Variants in CD2AP observed in about 807,000 individuals in gnomAD.
CD2AP encodes the protein CD2 associated protein, also known as CD2-associated protein.
Under a neutral mutation model 85.1 loss-of-function variants are expected in CD2AP, and 46 were observed. That is an observed-to-expected ratio of 0.54 (90% CI 0.43 to 0.69). The LOEUF is 0.69. CD2AP is among the 30% of genes least tolerant of loss of function. The pLI is 0.00. For synonymous variants in CD2AP, 255 were observed against 252.9 expected (o/e 1.01, Z -0.08); for missense variants, 769 against 729.5 (o/e 1.05, Z -0.62).
chr6:47,599,384 C>A lies in CD2AP; in HGVS notation c.1358C>A (p.Pro453His). 1.2e-6 allele frequency: 2 copies of A among 1,612,068 alleles called. No individual in the cohort carries two copies. The highest frequency in any genetic ancestry group is 2.2e-5 in the South Asian group (2 of 91,016). Residue 453 changes from proline to histidine, a missense_variant, in exon 13 of 18, where the codon CCC (proline) becomes CAC (histidine). Transcript: ENST00000359314. ...SKLKLDSEQL[P>H]LRPKSVDFDS... is the part of the protein sequence containing the mutation. ...CTAAAGCTAGATTCTGAACAGCTGC[C>A]CCTTAGACCAAAATCAGTAGACTTT... is the stretch of plus-strand genomic sequence containing the variant.
At chr6:47,519,341 A>G (rs1766526723) in intron 2 of CD2AP, among the ~76,000 whole-genome samples, 1 of 147,474 alleles carries the variant, frequency 6.8e-6, no homozygotes, top group South Asian at 2.1e-4. Flanking sequence ...GAACCCTGAA[A>G]TTAGACAAAG....
intron 11 of CD2AP, among the ~76,000 whole-genome samples, chr6:47,585,930 A>G (rs1416012048): frequency 6.6e-6 from 1 of 152,226 alleles, no homozygotes; most frequent in East Asian, 1.9e-4. Context: ...TACGGCCAAC[A>G]AATTCCAGAA....
chr6:47,572,317 CTTG>C (rs1252914555), intron 5 of CD2AP, among the ~76,000 whole-genome samples: 1 of 152,178 alleles, frequency 6.6e-6, no homozygotes, highest in Non-Finnish European at 1.5e-5. Flanking sequence ...TGTTCTGTAT[CTTG>C]TTGTATTTAC....
intron 11 of CD2AP, among the ~76,000 whole-genome samples, chr6:47,594,516 T>C (rs1023543096): frequency 6.6e-6 from 1 of 152,064 alleles, no homozygotes; most frequent in Non-Finnish European, 1.5e-5. Context: ...AACTTCTCTT[T>C]AATTTATATC....
At chr6:47,588,420 A>G (rs1768688727) in intron 11 of CD2AP, among the ~76,000 whole-genome samples, 2 of 152,128 alleles carry the variant, frequency 1.3e-5, no homozygotes, top group African/African-American at 2.4e-5. Context: ...TACTTATTAT[A>G]TAATATGAAG....
At chr6:47,610,785 C>G (rs932283458) in intron 16 of CD2AP, among the ~76,000 whole-genome samples, 1 of 151,240 alleles carries the variant, frequency 6.6e-6, no homozygotes, top group Non-Finnish European at 1.5e-5. Flanking sequence ...TGTAAGTTTA[C>G]TTGTCCAGTA....
intron 4 of CD2AP, among the ~76,000 whole-genome samples, chr6:47,554,102 G>A (rs1374627529): frequency 6.6e-6 from 1 of 151,944 alleles, no homozygotes; most frequent in Non-Finnish European, 1.5e-5. Context: ...TTTTAGAGAT[G>A]GGATTTCACC....
At chr6:47,547,863 C>T (rs1379888010) in intron 4 of CD2AP, among the ~76,000 whole-genome samples, 1 of 151,876 alleles carries the variant, frequency 6.6e-6, no homozygotes, top group African/African-American at 2.4e-5. Flanking sequence ...GAAATCAACT[C>T]CAAAAGGAGC....
At chr6:47,478,895 T>G (rs536468808) in intron 1 of CD2AP, among the ~76,000 whole-genome samples, 1 of 152,258 alleles carries the variant, frequency 6.6e-6, no homozygotes, top group African/African-American at 2.4e-5. Context: ...AGCAGTTTCC[T>G]GTTTGGAGTT....
At chr6:47,595,734 CA>C (rs1354342053) in intron 11 of CD2AP, 126 bp from the exon 12 acceptor site, 5 of 706,628 alleles carry the variant, frequency 7.1e-6, no homozygotes, top group Non-Finnish European at 1.2e-5. Flanking sequence ...CACATGTATA[CA>C]AATACAGAGA....
intron 15 of CD2AP, 47 bp from the exon 16 acceptor site, chr6:47,609,074 GTA>G (rs749188414): frequency 3.2e-5 from 43 of 1,363,122 alleles, no homozygotes; most frequent in Middle Eastern, 5.1e-4. Flanking sequence ...TCTTTCGAAC[GTA>G]AATATAATAT....
At chr6:47,532,744 G>C (rs1035347797) in intron 2 of CD2AP, among the ~76,000 whole-genome samples, 1 of 151,994 alleles carries the variant, frequency 6.6e-6, no homozygotes, top group Non-Finnish European at 1.5e-5. Context: ...CTTTTGTTCT[G>C]TATAAATTTA....
chr6:47,566,323 T>TATATATATATATATATATACAC, intron 5 of CD2AP, among the ~76,000 whole-genome samples: 3 of 108,458 alleles, frequency 2.8e-5, no homozygotes, highest in African/African-American at 5.8e-5. Context: ...TATATATATA[T>TATATATATATATATATATACAC]ACACATACAC....
intron 11 of CD2AP, among the ~76,000 whole-genome samples, chr6:47,587,875 A>G (rs1199266020): frequency 6.6e-6 from 1 of 152,162 alleles, no homozygotes; most frequent in Non-Finnish European, 1.5e-5. Flanking sequence ...GTCTGGTTCT[A>G]TACTTTCACT....
intron 2 of CD2AP, among the ~76,000 whole-genome samples, chr6:47,513,434 A>G (rs142381363): frequency 4.6e-5 from 7 of 152,280 alleles, no homozygotes; most frequent in East Asian, 3.9e-4. Flanking sequence ...CCCAAACTGC[A>G]TAGGTTTTTG....
At chr6:47,534,274 T>G (rs1041914699) in intron 3 of CD2AP, among the ~76,000 whole-genome samples, 2 of 152,306 alleles carry the variant, frequency 1.3e-5, no homozygotes, top group South Asian at 4.1e-4. Flanking sequence ...GAGTCTGTCT[T>G]ATGACCTCAG....
intron 5 of CD2AP, among the ~76,000 whole-genome samples, chr6:47,573,580 C>T (rs796229262): frequency 5.9e-5 from 9 of 151,346 alleles, no homozygotes; most frequent in African/African-American, 2.2e-4. Flanking sequence ...GCTCCACCTC[C>T]CAGGTTCACG....
intron 11 of CD2AP, among the ~76,000 whole-genome samples, chr6:47,589,347 G>T (rs926004565): frequency 4.4e-5 from 3 of 68,598 alleles, no homozygotes; most frequent in African/African-American, 1.4e-4. Context: ...ATACATTTAA[G>T]AAGTTGTTTG....
chr6:47,617,531 T>A (rs1055868167), intron 17 of CD2AP, among the ~76,000 whole-genome samples: 2 of 152,208 alleles, frequency 1.3e-5, no homozygotes, highest in South Asian at 2.1e-4. Context: ...TTCTTTTGAT[T>A]TCCTGTTGCT....
Sources: gnomAD v4.1 joint callset for allele counts (sites outside exome capture counted in the v4.1 genomes callset) on GRCh38, gnomAD v4.1.1 for gene constraint, MANE v1.5 for transcripts, NCBI Gene and HGNC (gene_info 2026-07-23, HGNC 2026-07-21) for gene names.